The following ABHD18 variants were observed in gnomAD, a reference collection of about 807,000 sequenced individuals.
ABHD18 encodes cardiolipin-specific deacylase, mitochondrial.
In ABHD18, 55 loss-of-function variants were observed where a neutral mutation model predicts 65.9. The observed-to-expected ratio is 0.84, with a 90% CI of 0.67 to 1.05. The LOEUF is 1.05. Among genes scored for constraint, ABHD18 ranks in the 50% least tolerant of loss-of-function variants. ABHD18 has a pLI of 0.00. For synonymous variants in ABHD18, 181 were observed against 180.2 expected, an observed-to-expected ratio of 1.00 and a Z score of -0.04; for missense variants, 533 against 558.5, an observed-to-expected ratio of 0.95 and a Z score of 0.46.
intron 7 of ABHD18, among the ~76,000 whole-genome samples, chr4:128,016,105 C>T (rs1755448594): frequency 6.6e-6 from 1 of 151,862 alleles, no homozygotes; most frequent in Non-Finnish European, 1.5e-5. Context: ...AGGCGCGTGC[C>T]ACCACGCCCA....
intron 1 of ABHD18, among the ~76,000 whole-genome samples, chr4:127,976,558 C>T (rs1334815778): frequency 6.6e-6 from 1 of 152,070 alleles, no homozygotes; most frequent in Non-Finnish European, 1.5e-5. Context: ...TACTGTTCAG[C>T]CTTTTGTGGA....
chr4:127,980,273 A>T (rs1748783329), intron 1 of ABHD18, among the ~76,000 whole-genome samples: 1 of 152,130 alleles, frequency 6.6e-6, no homozygotes, highest in South Asian at 2.1e-4. Context: ...CTTATGTGAT[A>T]CCTTCCACCA....
At chr4:128,020,969 G>A (rs1468841745) in intron 9 of ABHD18, among the ~76,000 whole-genome samples, 168 bp from the exon 10 acceptor site, 2 of 151,974 alleles carry the variant, frequency 1.3e-5, no homozygotes, top group Non-Finnish European at 2.9e-5. Context: ...AGAAGGTGGA[G>A]GTTGCAGTGA....
chr4:127,984,011 T>G (rs2149073591), intron 2 of ABHD18, among the ~76,000 whole-genome samples: 1 of 151,478 alleles, frequency 6.6e-6, no homozygotes, highest in South Asian at 2.1e-4. Context: ...TGCACTCGCC[T>G]GGGTGACAGA....
intron 4 of ABHD18, among the ~76,000 whole-genome samples, chr4:127,990,475 C>T (rs1211561515): frequency 3.9e-5 from 6 of 151,978 alleles, no homozygotes; most frequent in Non-Finnish European, 8.8e-5. Context: ...GAGGCAGGAG[C>T]ATCTATTGAA....
chr4:128,032,851 C>T (rs1331059443), intron 12 of ABHD18, among the ~76,000 whole-genome samples: 3 of 152,170 alleles, frequency 2.0e-5, no homozygotes, highest in Non-Finnish European at 2.9e-5. Context: ...AAGGGACATA[C>T]ATTACATGTA....
rs1212220565 is a variant in ABHD18 at position 128,010,867 on chromosome 4, T to C, written c.443-806T>C. 2.8e-5 allele frequency among the ~76,000 whole-genome samples: 4 copies of C among 142,342 alleles called. No individual in the cohort carries two copies. The Admixed American group carries it at 2.9e-4, about 10-fold the overall frequency. 93.4% of individuals were successfully genotyped at this position (142,342 alleles called of 152,430 possible). On this transcript the variant is annotated intron_variant, in intron 6 of 12. Coordinates refer to ENST00000645843, the MANE Select transcript of ABHD18 (RefSeq NM_001358451.3). ...GAGGCAGAAGTTGCAGTGAGCCGCC[T>C]GCACTCCAGCCTGGGCGACGGAGCA...
chr4:128,025,021 A>G (rs1421950377), intron 10 of ABHD18, among the ~76,000 whole-genome samples: 2 of 152,028 alleles, frequency 1.3e-5, no homozygotes, highest in Non-Finnish European at 2.9e-5. Context: ...ACTTAAAAAA[A>G]AAATGTATGG....
intron 12 of ABHD18, 140 bp from the exon 13 acceptor site, chr4:128,035,622 A>G (rs1758807454): frequency 5.5e-6 from 3 of 542,296 alleles, no homozygotes; most frequent in Non-Finnish European, 1.0e-5. Context: ...TGGGGAGGGT[A>G]ACTGCCTATT....
intron 1 of ABHD18, among the ~76,000 whole-genome samples, chr4:127,980,887 A>G (rs1194314355): frequency 6.6e-6 from 1 of 151,720 alleles, no homozygotes; most frequent in Non-Finnish European, 1.5e-5. Flanking sequence ...TTTACTATAC[A>G]TACCTTCATA....
chr4:127,981,339 C>T (rs1749005850), intron 1 of ABHD18, among the ~76,000 whole-genome samples: 1 of 151,864 alleles, frequency 6.6e-6, no homozygotes, highest in South Asian at 2.1e-4. Flanking sequence ...CCAAAAGAGC[C>T]CTTTAGTTGT....
At chr4:128,004,767 T>G (rs1753304091) in intron 4 of ABHD18, among the ~76,000 whole-genome samples, 1 of 149,798 alleles carries the variant, frequency 6.7e-6, no homozygotes, top group Non-Finnish European at 1.5e-5. Flanking sequence ...AAAAATTAGC[T>G]GGTTGTGGTG....
rs869099600 is a variant in ABHD18 at position 128,033,524 on chromosome 4, C to CTTTTTTTTTTT, written c.1344-2228_1344-2218dup. Among the ~76,000 whole-genome samples the CTTTTTTTTTTT allele has an allele frequency of 3.1e-3, 339 of 108,618 alleles. 13 individuals are homozygous for CTTTTTTTTTTT. Among genetic ancestry groups the CTTTTTTTTTTT allele is most frequent in the East Asian group, 0.013 (40 of 2,988 alleles). The allele number at this position is 108,618 out of a possible 152,430, so 71.3% of individuals were successfully genotyped here. ...GCAGGCTATCAGTTTCAAAGATAGT[C>CTTTTTTTTTTT]TTTTTTTTTTTTTTTTTTTTGTCTT... On this transcript the variant is annotated intron_variant, in intron 12 of 12. Coordinates refer to ENST00000645843, the MANE Select transcript of ABHD18 (RefSeq NM_001358451.3).
At chr4:128,016,917 AT>A (rs937560386) in intron 7 of ABHD18, among the ~76,000 whole-genome samples, 9 of 149,434 alleles carry the variant, frequency 6.0e-5, no homozygotes, top group African/African-American at 1.5e-4. Flanking sequence ...GTGTAATTCT[AT>A]TTTTTTTTTC....
chr4:127,969,003 G>A (rs186063373), intron 1 of ABHD18, among the ~76,000 whole-genome samples: 1 of 152,140 alleles, frequency 6.6e-6, no homozygotes, highest in African/African-American at 2.4e-5. Context: ...AAGAAGATTT[G>A]TATGACCCCA....
chr4:127,973,817 CAAAAAAA>C (rs57170719), intron 1 of ABHD18, among the ~76,000 whole-genome samples: 63 of 16,638 alleles, frequency 3.8e-3, no homozygotes, highest in African/African-American at 8.0e-3. Context: ...TGATGAACAG[CAAAAAAA>C]AAAAAAAAAA....
chr4:128,008,921 T>A lies in ABHD18; in HGVS notation c.280T>A (p.Phe94Ile). The A allele has an allele frequency of 6.3e-7, 1 of 1,599,152 alleles. No individual in the cohort carries two copies. The highest frequency in any genetic ancestry group is 8.5e-7 in the Non-Finnish European group (1 of 1,174,246). ...IMPIESVIAR[F>I]QFIVPKEWNS... is the part of the protein sequence containing the mutation. ...ATAAGTCTATGCTTTTAAAAATAGG[T>A]TCCAATTTATTGTGCCTAAAGAATG... is the stretch of plus-strand genomic sequence containing the variant. The change falls in exon 5 of 13, where the codon TTC (phenylalanine) becomes ATC (isoleucine). Residue 94 changes from phenylalanine to isoleucine, a missense_variant and splice_region_variant. Phe to Ile is a conservative substitution (Grantham distance 21). Around this residue, in one of 3 missense-constraint regions of ABHD18, gnomAD observed 309 missense variants for 313.5 expected, o/e 0.99. Transcript: ENST00000645843.
chr4:128,021,635 C>G (rs1190113004), intron 10 of ABHD18, among the ~76,000 whole-genome samples: 3 of 152,218 alleles, frequency 2.0e-5, no homozygotes, highest in Admixed American at 6.5e-5. Flanking sequence ...GCCTGGGCGA[C>G]AGAGTGAGAC....
chr4:127,966,842 G>A (rs1197530077), intron 1 of ABHD18, among the ~76,000 whole-genome samples: 3 of 138,450 alleles, frequency 2.2e-5, no homozygotes, highest in African/African-American at 8.1e-5. Context: ...CCGAGATCAC[G>A]CCACTGCACT....
Sources: allele counts gnomAD v4.1 joint callset (sites outside exome capture counted in the v4.1 genomes callset), GRCh38; gene constraint gnomAD v4.1.1; regional missense constraint gnomAD v4.1.1; transcripts MANE v1.5; gene names NCBI Gene and HGNC (gene_info 2026-07-23, HGNC 2026-07-21).